The following USP26 variants were observed in gnomAD, a reference collection of about 807,000 sequenced individuals.
USP26 encodes the protein ubiquitin specific peptidase 26, also known as ubiquitin carboxyl-terminal hydrolase 26.
For missense variants in USP26, 649 were observed against 642.3 expected, an observed-to-expected ratio of 1.01 and a Z score of -0.11; for synonymous variants, 236 against 240.6, an observed-to-expected ratio of 0.98 and a Z score of 0.18.
At chrX:133,084,431 T>A (rs2067581186) in intron 4 of USP26, among the ~76,000 whole-genome samples, 1 of 111,200 alleles carries the variant, frequency 9.0e-6, no homozygotes, top group Admixed American at 9.5e-5. Context: ...ACTGCTGTGC[T>A]GAAGCTATCC....
chrX:133,058,669 AT>A (rs2067485212), intron 5 of USP26, among the ~76,000 whole-genome samples: 1 of 111,645 alleles, frequency 9.0e-6, no homozygotes, highest in Non-Finnish European at 1.9e-5. Context: ...GACGACATAT[AT>A]TTGGGGCCTT....
chrX:133,065,202 C>A (rs1180851202), intron 5 of USP26, among the ~76,000 whole-genome samples: 1 of 111,363 alleles, frequency 9.0e-6, no homozygotes, highest in Non-Finnish European at 1.9e-5. Flanking sequence ...CCTGAATAGA[C>A]CAAAAACAAG....
chrX:133,048,131 C>T (rs1846118730), intron 5 of USP26, among the ~76,000 whole-genome samples: 1 of 111,659 alleles, frequency 9.0e-6, no homozygotes, highest in African/African-American at 3.3e-5. Flanking sequence ...CTTTCCCTTC[C>T]TAAAATGCTA....
At position 133,026,533 on chromosome X, in the gene USP26, T is replaced by C. The variant is rs1404161747; in HGVS notation, c.1688A>G (p.Glu563Gly). Reference protein sequence around the residue: ...EGTRPPLPLSEDGEITDFQLL... With the variant: ...EGTRPPLPLSGDGEITDFQLL... ...TTGGAAATCTGTAATTTCTCCATCC[T>C]CACTCAAGGGAAGAGGTGGTCTGGT... is the stretch of plus-strand genomic sequence containing the variant. The change falls in exon 6 of 6, where the codon GAG becomes GGG. Residue 563 changes from glutamate (E) to glycine (G), a missense_variant. Coordinates refer to ENST00000511190, the MANE Select transcript of USP26 (RefSeq NM_031907.3). The C allele has an allele frequency of 1.7e-6, 2 of 1,210,035 alleles. No individual in the cohort carries two copies. The highest frequency in any genetic ancestry group is 2.2e-6 in the Non-Finnish European group (2 of 895,005).
intron 5 of USP26, among the ~76,000 whole-genome samples, chrX:133,051,214 G>T (rs185180926): frequency 9.0e-6 from 1 of 111,368 alleles, no homozygotes; most frequent in African/African-American, 3.3e-5. Flanking sequence ...AGACAGACAC[G>T]TTTAGAAGGA....
intron 5 of USP26, among the ~76,000 whole-genome samples, chrX:133,067,127 TTCA>T (rs1044134428): frequency 1.4e-4 from 16 of 112,227 alleles, no homozygotes; most frequent in Admixed American, 1.2e-3. Context: ...TGAAAAAAAG[TTCA>T]TCATCACTGG....
intron 4 of USP26, among the ~76,000 whole-genome samples, chrX:133,086,499 A>G (rs767058711): frequency 1.7e-4 from 19 of 110,591 alleles, no homozygotes; most frequent in Admixed American, 8.7e-4. Flanking sequence ...AGTCCCAGCT[A>G]CTCTGGAGGC....
At chrX:133,080,838 C>T (rs1226043143) in intron 5 of USP26, among the ~76,000 whole-genome samples, 1 of 111,771 alleles carries the variant, frequency 8.9e-6, no homozygotes, top group Non-Finnish European at 1.9e-5. Flanking sequence ...CTCTGTAATT[C>T]TTTGATGCCC....
chrX:133,041,164 A>G (rs779420730), intron 5 of USP26, among the ~76,000 whole-genome samples: 1 of 110,820 alleles, frequency 9.0e-6, no homozygotes, highest in Non-Finnish European at 1.9e-5. Flanking sequence ...GGGGTTTGTT[A>G]TTACCCACCT....
At chrX:133,048,014 T>C (rs904528199) in intron 5 of USP26, among the ~76,000 whole-genome samples, 7 of 112,135 alleles carry the variant, frequency 6.2e-5, no homozygotes, top group African/African-American at 2.3e-4. Context: ...AATCTGTTTT[T>C]CCACGCTCAC....
chrX:133,026,088 A>G lies in USP26; in HGVS notation c.2133T>C (p.Asp711=), dbSNP rs199527230. The G allele has an allele frequency of 1.3e-5, 16 of 1,208,687 alleles. No homozygotes were observed. In the Admixed American group the frequency reaches 2.9e-4, roughly 22 times the overall value. ...YVKTSKFVAF[D]RIINPTKDLY... is the part of the protein sequence containing the mutation. ...AATCTTTAGTAGGATTGATAATCCT[A>G]TCAAAAGCTACAAACTTACTGGTTT... The change falls in exon 6 of 6, where the codon GAT becomes GAC. Residue 711 remains aspartate (D), a synonymous_variant. Transcript: ENST00000511190.
chrX:133,026,397 AG>A lies in USP26; in HGVS notation c.1823del (p.Ser608LeufsTer31). ...AGACTGTCTGGCCTTTTTTTTGTTCAGACTCCTTATCTGATCCAATGTGTGG... is the reference window on the plus strand; with the variant it reads ...AGACTGTCTGGCCTTTTTTTTGTTCAACTCCTTATCTGATCCAATGTGTGG... The part of the protein sequence containing the change: ...LAPHIGSDKE[S>X]EQKKGQTVFK... On this transcript the variant is annotated frameshift_variant, in exon 6 of 6. Transcript: ENST00000511190. LOFTEE classifies it low-confidence loss of function (END_TRUNC). 8.3e-7 allele frequency: 1 copy of A among 1,207,010 alleles called. No individual in the cohort carries two copies. Among genetic ancestry groups the A allele is most frequent in the Non-Finnish European group, 1.1e-6 (1 of 894,384 alleles).
chrX:133,067,527 T>G (rs976266699), intron 5 of USP26, among the ~76,000 whole-genome samples: 2 of 112,437 alleles, frequency 1.8e-5, no homozygotes, highest in African/African-American at 6.5e-5. Flanking sequence ...CATATAGCCA[T>G]GGAATACTAT....
At position 133,025,804 on chromosome X, in the gene USP26, A is replaced by G; in HGVS notation, c.2417T>C (p.Ile806Thr). The change falls in exon 6 of 6, where the codon ATA becomes ACA. Residue 806 changes from isoleucine to threonine, a missense_variant. Physicochemically the swap from Ile to Thr is moderately conservative, Grantham distance 89. Coordinates refer to ENST00000511190, the MANE Select transcript of USP26 (RefSeq NM_031907.3). ...TTTTGTTTCCTTGGCTTTAGATTTT[A>G]TCTTATCTAAAATGTCTTTGTTTCT... Reference protein sequence around the residue: ...NPRNKDILDKIKSKAKETKRN... With the variant: ...NPRNKDILDKTKSKAKETKRN... 8.3e-7 allele frequency: 1 copy of G among 1,210,666 alleles called. No homozygotes were observed. The highest frequency in any genetic ancestry group is 1.1e-6 in the Non-Finnish European group (1 of 894,979).
chrX:133,094,874 C>T (rs1328809030), intron 1 of USP26, among the ~76,000 whole-genome samples: 1 of 110,945 alleles, frequency 9.0e-6, no homozygotes, highest in East Asian at 2.8e-4. Context: ...GAGGGTGGAT[C>T]ACCTGAGGTA....
At chrX:133,068,711 T>A (rs1174667248) in intron 5 of USP26, among the ~76,000 whole-genome samples, 1 of 112,567 alleles carries the variant, frequency 8.9e-6, no homozygotes, top group Admixed American at 9.4e-5. Context: ...GATGAGTCCA[T>A]TATCTGGAGA....
chrX:133,088,544 C>T (rs2067597188), intron 4 of USP26, among the ~76,000 whole-genome samples: 1 of 111,277 alleles, frequency 9.0e-6, no homozygotes, highest in African/African-American at 3.3e-5. Context: ...TACCAGTCCA[C>T]GGCCCGGAGT....
intron 5 of USP26, among the ~76,000 whole-genome samples, chrX:133,035,161 C>A (rs1175983255): frequency 9.0e-6 from 1 of 111,539 alleles, no homozygotes; most frequent in Non-Finnish European, 1.9e-5. Context: ...CTGAAAGAAT[C>A]CCACATGACA....
intron 5 of USP26, among the ~76,000 whole-genome samples, chrX:133,066,874 G>T (rs1386914627): frequency 2.7e-5 from 3 of 111,827 alleles, no homozygotes; most frequent in Non-Finnish European, 5.6e-5. Context: ...ATTGACAAAT[G>T]GGATCTAATT....
Sources: gnomAD v4.1 joint callset for allele counts (sites outside exome capture counted in the v4.1 genomes callset) on GRCh38, gnomAD v4.1.1 for gene constraint, MANE v1.5 for transcripts, NCBI Gene and HGNC (gene_info 2026-07-23, HGNC 2026-07-21) for gene names.